PRIM1: variants seen among roughly 807,000 people sequenced by gnomAD.
PRIM1 encodes the protein DNA primase subunit 1, also known as DNA primase small subunit.
PRIM1 carries 38 observed loss-of-function variants against 60.2 expected under a neutral mutation model. The observed-to-expected ratio is 0.63, with a 90% confidence interval of 0.49 to 0.83. The LOEUF (loss-of-function observed/expected upper bound fraction) is 0.83, where lower values mean the gene tolerates loss of function less well. Ranked by LOEUF, PRIM1 falls within the 40% of genes least tolerant of loss-of-function variation. PRIM1 has a pLI of 0.00. For synonymous variants in PRIM1, 158 were observed against 160.2 expected (o/e 0.99, Z 0.10); for missense variants, 388 against 506.2 (o/e 0.77, Z 2.24).
intron 9 of PRIM1, among the ~76,000 whole-genome samples, chr12:56,741,172 A>G (rs1481061652): frequency 6.6e-6 from 1 of 151,806 alleles, no homozygotes; most frequent in Non-Finnish European, 1.5e-5. Flanking sequence ...CTGTTTTCTC[A>G]TCTGTACAAT....
chr12:56,737,454 A>T (rs1347304110), intron 11 of PRIM1, among the ~76,000 whole-genome samples: 1 of 150,656 alleles, frequency 6.6e-6, no homozygotes, highest in Non-Finnish European at 1.5e-5. Context: ...AGTTCAAGCG[A>T]TTCTCCTGCC....
At chr12:56,746,022 A>G in intron 5 of PRIM1, 23 bp downstream of exon 5, 2 of 1,583,000 alleles carry the variant, frequency 1.3e-6, no homozygotes, top group East Asian at 4.5e-5. Context: ...AAGCAATGCA[A>G]ATTAGAATTA....
intron 12 of PRIM1, among the ~76,000 whole-genome samples, chr12:56,733,005 A>C (rs1429513752): frequency 7.6e-5 from 10 of 130,894 alleles, no homozygotes; most frequent in Middle Eastern, 5.4e-3. Flanking sequence ...CAGGCGCACA[A>C]TACCACGCCC....
At position 56,742,990 on chromosome 12, in the gene PRIM1, C is replaced by T. The variant is rs1354595979; in HGVS notation, c.745G>A (p.Glu249Lys). 6 of 1,531,446 alleles carry T rather than the reference C, an allele frequency of 3.9e-6. No individual in the cohort carries two copies. Among genetic ancestry groups the T allele is most frequent in the East Asian group, 2.4e-5 (1 of 41,128 alleles). The allele number at this position is 1,531,446 out of a possible 1,614,324, so 94.9% of individuals were successfully genotyped here. Residue 249 changes from glutamate (E) to lysine (K), a missense_variant, in exon 7 of 13, where the codon GAA becomes AAA. Coordinates refer to ENST00000338193, the MANE Select transcript of PRIM1 (RefSeq NM_000946.3). ...AAATGATCACGGGAAAGGATATTTTCAGGAACAAGGGCTAAAATCTTATCC... is the reference window on the plus strand; with the variant it reads ...AAATGATCACGGGAAAGGATATTTTTAGGAACAAGGGCTAAAATCTTATCC... ...SWDKILALVP[E>K]TIHDELQQSF...
In PRIM1 at chr12:56,746,704, A is replaced by G. The variant is rs945442167; in HGVS notation, c.442+77T>C. ...TTAATGAGATTTGATCACAAAATAC[A>G]GAGACTAATAGTTAATAGTAGTCAG... On this transcript the variant is annotated intron_variant, in intron 4 of 12. Transcript: ENST00000338193. 3.2e-6 allele frequency: 4 copies of G among 1,231,574 alleles called. No homozygotes were observed. The African/African-American group carries it at 6.0e-5, about 18-fold the overall frequency. 76.3% of individuals were successfully genotyped at this position (1,231,574 alleles called of 1,614,324 possible). A position where few individuals can be genotyped will look rare whatever the true frequency, so the allele number is the denominator to read the frequency against.
At chr12:56,743,180 A>T (rs1441065472) in intron 6 of PRIM1, 84 bp from the exon 7 acceptor site, 2 of 1,368,984 alleles carry the variant, frequency 1.5e-6, no homozygotes, top group African/African-American at 3.0e-5. Flanking sequence ...TGTGGGGAAA[A>T]CTACTGCTTA....
chr12:56,751,004 AAAC>A (rs762269531), intron 2 of PRIM1, 31 bp downstream of exon 2: 3 of 1,346,652 alleles, frequency 2.2e-6, no homozygotes, highest in Non-Finnish European at 2.9e-6. Context: ...TTACAAAATA[AAAC>A]AACAAAATAT....
At chr12:56,742,484 G>T (rs1346467803) in intron 7 of PRIM1, among the ~76,000 whole-genome samples, 1 of 151,908 alleles carries the variant, frequency 6.6e-6, no homozygotes, top group African/African-American at 2.4e-5. Flanking sequence ...CAGGAGAATT[G>T]TTTGAACCCG....
Position 56,752,280 on chromosome 12 carries a change from T to C in PRIM1, c.19A>G (p.Thr7Ala). The C allele has an allele frequency of 1.3e-6, 2 of 1,588,220 alleles. No individual in the cohort carries two copies. Among genetic ancestry groups the C allele is most frequent in the South Asian group, 1.1e-5 (1 of 87,180 alleles). METFDP[T>A]ELPELLKLYY... ...AGTTTAAGCAGCTCGGGCAGCTCGG[T>C]GGGGTCAAACGTCTCCATTGAGCGC... Residue 7 changes from threonine to alanine, a missense_variant, in exon 1 of 13, where the codon ACC becomes GCC. This residue lies in a region of PRIM1 where 156 missense variants were observed against 175.8 expected (regional missense o/e 0.89). Coordinates refer to ENST00000338193, the MANE Select transcript of PRIM1 (RefSeq NM_000946.3).
intron 2 of PRIM1, among the ~76,000 whole-genome samples, chr12:56,748,901 G>A (rs1953926849): frequency 6.6e-6 from 1 of 151,658 alleles, no homozygotes; most frequent in African/African-American, 2.4e-5. Flanking sequence ...AAATTGCAGT[G>A]AGCTGAGACT....
chr12:56,731,836 A>T, intron 12 of PRIM1, 102 bp from the exon 13 acceptor site: 1 of 883,028 alleles, frequency 1.1e-6, no homozygotes, highest in Non-Finnish European at 1.7e-6. Context: ...TTTAACACAC[A>T]TCATGCACAA....
chr12:56,735,416 A>G (rs1953820112), intron 11 of PRIM1, among the ~76,000 whole-genome samples: 1 of 151,716 alleles, frequency 6.6e-6, no homozygotes. Context: ...TATTTTTGAG[A>G]CACTGTCTTG....
In PRIM1 at chr12:56,746,080, G is replaced by A. The variant is rs767164114; in HGVS notation, c.544C>T (p.Arg182Cys). 3 of 1,612,848 alleles carry A rather than the reference G, an allele frequency of 1.9e-6. No individual in the cohort carries two copies. The highest frequency in any genetic ancestry group is 2.2e-5 in the East Asian group (1 of 44,870). The change falls in exon 5 of 13, where the codon CGT becomes TGT. Residue 182 changes from arginine to cysteine, a missense_variant. Arg to Cys is a radical substitution (Grantham distance 180, BLOSUM62 -3). This residue lies in a region of PRIM1 where 21 missense variants were observed against 52.5 expected (regional missense o/e 0.40). Transcript: ENST00000338193. ...ESVRKLSSAV[R>C]SGIVEYLSLV... ...CTCAAATACTCAACTATCCCAGAAC[G>A]TACTGCAGAAGACAGTTTTCTAACT...
chr12:56,745,246 T>C (rs917623661), intron 5 of PRIM1, among the ~76,000 whole-genome samples: 4 of 151,990 alleles, frequency 2.6e-5, no homozygotes, highest in African/African-American at 9.7e-5. Flanking sequence ...ACCTTGTTTC[T>C]GCAAAAATTA....
chr12:56,739,464 G>C, intron 9 of PRIM1, 101 bp from the exon 10 acceptor site: 1 of 687,918 alleles, frequency 1.5e-6, no homozygotes, highest in Non-Finnish European at 2.3e-6. Flanking sequence ...TTAAGGCTTA[G>C]ACAAAGGGTT....
At chr12:56,741,986 C>T in intron 7 of PRIM1, 149 bp from the exon 8 acceptor site, 2 of 798,828 alleles carry the variant, frequency 2.5e-6, no homozygotes, top group Non-Finnish European at 4.1e-6. Context: ...GGCGTGGTGG[C>T]TCATGCCTGT....
At chr12:56,748,440 ACATGGTGAAACC>A (rs1008776608) in intron 2 of PRIM1, among the ~76,000 whole-genome samples, 1 of 152,142 alleles carries the variant, frequency 6.6e-6, no homozygotes, top group South Asian at 2.1e-4. Context: ...AACCTGGCTA[ACATGGTGAAACC>A]CCGTCTCTAC....
chr12:56,752,309 A>G lies in PRIM1; in HGVS notation c.-11T>C. 2 of 1,552,692 alleles carry G rather than the reference A, an allele frequency of 1.3e-6. No individual in the cohort carries two copies. Among genetic ancestry groups the G allele is most frequent in the Non-Finnish European group, 1.7e-6 (2 of 1,143,858 alleles). Reference sequence around the variant, plus strand: ...GTCAAACGTCTCCATTGAGCGCGGAACTCGCCACGGTAAGGATTACCACAG... The same window carrying G: ...GTCAAACGTCTCCATTGAGCGCGGAGCTCGCCACGGTAAGGATTACCACAG... On this transcript the variant is annotated 5_prime_UTR_variant, in exon 1 of 13. Coordinates refer to ENST00000338193, the MANE Select transcript of PRIM1 (RefSeq NM_000946.3).
intron 2 of PRIM1, among the ~76,000 whole-genome samples, chr12:56,750,751 G>A (rs1255669935): frequency 2.0e-5 from 3 of 151,914 alleles, no homozygotes; most frequent in Admixed American, 1.3e-4. Context: ...CACCACGCCC[G>A]GCTAATTATT....
Sources: allele counts gnomAD v4.1 joint callset (sites outside exome capture counted in the v4.1 genomes callset), GRCh38; gene constraint gnomAD v4.1.1; regional missense constraint gnomAD v4.1.1; transcripts MANE v1.5; gene names NCBI Gene and HGNC (gene_info 2026-07-23, HGNC 2026-07-21).